Variants in LRRC20 observed in about 807,000 individuals in gnomAD.
The protein encoded by LRRC20 is leucine-rich repeat-containing protein 20.
LRRC20 carries 11 observed loss-of-function variants against 14.4 expected under a neutral mutation model. The ratio of observed to expected loss-of-function variants is 0.77; its 90% CI spans 0.48 to 1.27. LRRC20 has a LOEUF of 1.27. LRRC20 is among the 50% of genes most tolerant of loss of function. The pLI, the probability that LRRC20 is intolerant of heterozygous loss-of-function variation, is 0.00. For synonymous variants in LRRC20, 121 were observed against 107.3 expected, an observed-to-expected ratio of 1.13 and a Z score of -0.79; for missense variants, 219 against 251.2, an observed-to-expected ratio of 0.87 and a Z score of 0.87.
At chr10:70,324,392 G>A (rs11598230) in intron 3 of LRRC20, among the ~76,000 whole-genome samples, 47,303 of 152,074 alleles carry the variant, frequency 0.31, 7,652 homozygotes, top group East Asian at 0.48. Flanking sequence ...CAGGATGGGC[G>A]GCCTCTCCCC....
At chr10:70,320,815 C>A (rs1033409672) in intron 4 of LRRC20, among the ~76,000 whole-genome samples, 1 of 152,216 alleles carries the variant, frequency 6.6e-6, no homozygotes, top group African/African-American at 2.4e-5. Flanking sequence ...AGAAAGCAGA[C>A]AGAAGTATCC....
At chr10:70,312,312 A>G (rs561107046) in intron 4 of LRRC20, among the ~76,000 whole-genome samples, 1 of 152,286 alleles carries the variant, frequency 6.6e-6, no homozygotes, top group African/African-American at 2.4e-5. Flanking sequence ...GAGACAAGCA[A>G]GCAGACTGTG....
intron 2 of LRRC20, among the ~76,000 whole-genome samples, chr10:70,363,447 C>T (rs1184228491): frequency 1.3e-5 from 2 of 152,192 alleles, no homozygotes; most frequent in Non-Finnish European, 2.9e-5. Context: ...AACACTGAGC[C>T]TGCCAGTGCC....
chr10:70,317,977 A>G (rs891129324), intron 4 of LRRC20, among the ~76,000 whole-genome samples: 2 of 152,214 alleles, frequency 1.3e-5, no homozygotes, highest in African/African-American at 4.8e-5. Context: ...GGTCTAACGG[A>G]TGGGCAGCAG....
At chr10:70,363,973 A>G (rs1843864975) in intron 2 of LRRC20, among the ~76,000 whole-genome samples, 3 of 152,036 alleles carry the variant, frequency 2.0e-5, no homozygotes. Flanking sequence ...TCCCTGGTAA[A>G]CTCCCACCTG....
intron 3 of LRRC20, among the ~76,000 whole-genome samples, chr10:70,324,779 G>C (rs1340995723): frequency 1.3e-5 from 2 of 152,194 alleles, no homozygotes; most frequent in African/African-American, 2.4e-5. Flanking sequence ...GGCAGCAGGT[G>C]GTGGAGGAGC....
intron 4 of LRRC20, among the ~76,000 whole-genome samples, chr10:70,318,370 C>T (rs570262075): frequency 2.0e-5 from 3 of 152,302 alleles, no homozygotes; most frequent in Non-Finnish European, 2.9e-5. Context: ...TGAGAAATAT[C>T]GGCTGGGATA....
chr10:70,335,620 GGAT>G lies in LRRC20; in HGVS notation c.232+4930_232+4932del, dbSNP rs544476224. Reference sequence around the variant, plus strand: ...GGCCTCACACAGCTTCTCCCTGCTAGGATGCTTCTCTGCCTTTTCCACAGGGCC... The same window carrying G: ...GGCCTCACACAGCTTCTCCCTGCTAGGCTTCTCTGCCTTTTCCACAGGGCC... On this transcript the variant is annotated intron_variant, in intron 3 of 4. Transcript: ENST00000446961. 8.7e-4 allele frequency among the ~76,000 whole-genome samples: 133 copies of G among 152,266 alleles called. 5 individuals are homozygous for G. In the South Asian group the frequency reaches 0.026, roughly 30 times the overall value.
chr10:70,328,624 T>A (rs926026785), intron 3 of LRRC20, among the ~76,000 whole-genome samples: 85 of 152,124 alleles, frequency 5.6e-4, no homozygotes, highest in Non-Finnish European at 8.7e-4. Context: ...GAAAATTAAA[T>A]ACACTCAACA....
chr10:70,301,663 C>T (rs1198587057), intron 4 of LRRC20, among the ~76,000 whole-genome samples, 155 bp from the exon 5 acceptor site: 3 of 152,140 alleles, frequency 2.0e-5, no homozygotes, highest in Admixed American at 1.3e-4. Context: ...CAGCCCTGTG[C>T]AAAGGGCCAT....
At chr10:70,326,617 G>A (rs931448170) in intron 3 of LRRC20, among the ~76,000 whole-genome samples, 4 of 152,140 alleles carry the variant, frequency 2.6e-5, no homozygotes, top group Non-Finnish European at 4.4e-5. Context: ...GCTTCCCCTG[G>A]CAGCCAGGTT....
intron 4 of LRRC20, among the ~76,000 whole-genome samples, chr10:70,320,103 C>T (rs1281747409): frequency 6.6e-6 from 1 of 152,062 alleles, no homozygotes; most frequent in Non-Finnish European, 1.5e-5. Context: ...ACGGGCCATG[C>T]GGGGCAGGTG....
chr10:70,354,514 C>T (rs1478151380), intron 2 of LRRC20, among the ~76,000 whole-genome samples: 1 of 152,182 alleles, frequency 6.6e-6, no homozygotes, highest in African/African-American at 2.4e-5. Context: ...GGCACCACCC[C>T]AGTCCCACAG....
At chr10:70,356,766 G>T (rs1307309711) in intron 2 of LRRC20, among the ~76,000 whole-genome samples, 1 of 151,568 alleles carries the variant, frequency 6.6e-6, no homozygotes, top group Non-Finnish European at 1.5e-5. Context: ...CAGAAGAATT[G>T]CTTGAACCCA....
At chr10:70,334,392 C>T (rs1254581964) in intron 3 of LRRC20, among the ~76,000 whole-genome samples, 1 of 152,140 alleles carries the variant, frequency 6.6e-6, no homozygotes, top group Admixed American at 6.5e-5. Context: ...ACTGTGACCC[C>T]AACACCCCAA....
chr10:70,377,753 C>T (rs775592786), intron 1 of LRRC20, among the ~76,000 whole-genome samples: 3 of 152,234 alleles, frequency 2.0e-5, no homozygotes, highest in Non-Finnish European at 2.9e-5. Context: ...ACTGGACAAG[C>T]AGGGCAGGCA....
intron 2 of LRRC20, among the ~76,000 whole-genome samples, chr10:70,351,759 G>T (rs1399350890): frequency 6.6e-6 from 1 of 152,204 alleles, no homozygotes; most frequent in African/African-American, 2.4e-5. Context: ...TGAGGAATGG[G>T]AGGGATGTCT....
chr10:70,301,360 T>C lies in LRRC20; in HGVS notation c.549A>G (p.Leu183=), dbSNP rs2136837659. The change falls in exon 5 of 5, where the codon CTA becomes CTG. Residue 183 remains leucine, a synonymous_variant. Coordinates refer to ENST00000446961, the MANE Select transcript of LRRC20 (RefSeq NM_001278212.2). ...TGGGCATGAGGAGGGTGGCCTAAGG[T>C]AGGGGGGCTCTTGCGCCTTCCGGAG... The part of the protein sequence containing the change: ...LMSPEGARAP[L]P 6.2e-7 allele frequency: 1 copy of C among 1,609,552 alleles called. No individual in the cohort carries two copies.
intron 3 of LRRC20, among the ~76,000 whole-genome samples, chr10:70,330,379 C>T (rs1842491570): frequency 6.6e-6 from 1 of 152,102 alleles, no homozygotes; most frequent in Non-Finnish European, 1.5e-5. Context: ...TCTAAGTTGC[C>T]AAATTTATAA....
Sources: allele counts gnomAD v4.1 joint callset (sites outside exome capture counted in the v4.1 genomes callset), GRCh38; gene constraint gnomAD v4.1.1; transcripts MANE v1.5; gene names NCBI Gene and HGNC (gene_info 2026-07-23, HGNC 2026-07-21).